Variants in ACOXL observed in about 807,000 individuals in gnomAD.
The protein encoded by ACOXL is acyl-coenzyme A oxidase-like protein.
Under a neutral mutation model 71.9 loss-of-function variants are expected in ACOXL, and 70 were observed. The observed-to-expected ratio is 0.97, with a 90% CI of 0.80 to 1.19. The LOEUF is 1.19. ACOXL is among the 50% of genes most tolerant of loss of function. ACOXL has a pLI of 0.00. For missense variants in ACOXL, 703 were observed against 736.3 expected (o/e 0.95, Z 0.52); for synonymous variants, 253 against 281.6 (o/e 0.90, Z 1.02).
chr2:110,836,333 C>G (rs978746036), intron 9 of ACOXL, among the ~76,000 whole-genome samples: 1 of 152,220 alleles, frequency 6.6e-6, no homozygotes, highest in African/African-American at 2.4e-5. Context: ...TTGCTGCCAG[C>G]ATCTCATGAC....
At chr2:110,991,710 C>T (rs576157439) in intron 13 of ACOXL, among the ~76,000 whole-genome samples, 1 of 151,982 alleles carries the variant, frequency 6.6e-6, no homozygotes, top group Non-Finnish European at 1.5e-5. Flanking sequence ...TATTGCTGCT[C>T]AGGACCCTGT....
chr2:110,932,073 G>A (rs892563845), intron 11 of ACOXL, among the ~76,000 whole-genome samples: 38 of 152,322 alleles, frequency 2.5e-4, no homozygotes, highest in Non-Finnish European at 4.7e-4. Context: ...AGTACATTAC[G>A]TAGAATAGAG....
intron 9 of ACOXL, among the ~76,000 whole-genome samples, chr2:110,830,885 C>T (rs1236549164): frequency 6.6e-6 from 1 of 152,010 alleles, no homozygotes; most frequent in Non-Finnish European, 1.5e-5. Flanking sequence ...TAAGAAATAG[C>T]TATAAAAAGG....
intron 9 of ACOXL, among the ~76,000 whole-genome samples, chr2:110,838,010 A>C (rs572322572): frequency 1.6e-4 from 25 of 152,254 alleles, no homozygotes; most frequent in East Asian, 5.8e-4. Context: ...CAAAGGGGTC[A>C]ATTGTCTGAG....
intron 16 of ACOXL, among the ~76,000 whole-genome samples, chr2:111,091,308 AT>A (rs1452359898): frequency 6.6e-6 from 1 of 152,162 alleles, no homozygotes; most frequent in Non-Finnish European, 1.5e-5. Context: ...ACTAATGTGA[AT>A]GTATCATCTG....
At chr2:110,808,362 C>G (rs1395015606) in intron 9 of ACOXL, among the ~76,000 whole-genome samples, 3 of 152,166 alleles carry the variant, frequency 2.0e-5, no homozygotes, top group East Asian at 3.8e-4. Flanking sequence ...TTCTGCAGCT[C>G]TGGGGTGGGG....
chr2:110,771,827 G>A (rs1354758316), intron 2 of ACOXL, among the ~76,000 whole-genome samples: 1 of 152,158 alleles, frequency 6.6e-6, no homozygotes, highest in Non-Finnish European at 1.5e-5. Flanking sequence ...CCTGGGCTGG[G>A]GGAGTCACCA....
intron 1 of ACOXL, among the ~76,000 whole-genome samples, chr2:110,743,888 G>A (rs1677851756): frequency 6.6e-6 from 1 of 152,154 alleles, no homozygotes; most frequent in African/African-American, 2.4e-5. Flanking sequence ...GCTGACTTGG[G>A]GCAGCAGACA....
At chr2:111,017,597 G>C (rs542210355) in intron 14 of ACOXL, among the ~76,000 whole-genome samples, 4 of 152,326 alleles carry the variant, frequency 2.6e-5, no homozygotes, top group African/African-American at 9.6e-5. Flanking sequence ...GCAGAGAAGG[G>C]AGAGAGGGGA....
Position 110,987,178 on chromosome 2 carries a change from A to G in ACOXL, c.1130A>G (p.Gln377Arg). 6.3e-7 allele frequency: 1 copy of G among 1,579,182 alleles called. No homozygotes were observed. Among genetic ancestry groups the G allele is most frequent in the Non-Finnish European group, 8.6e-7 (1 of 1,159,388 alleles). The change falls in exon 13 of 18, where the codon CAA becomes CGA. Residue 377 changes from glutamine to arginine, a missense_variant. Transcript: ENST00000439055. ...GAAAAACCACTCTTTGGCCTGCTCC[A>G]AAACTGGGCTGAATCTGTGGGGGAC... ...YEEKPLFGLLQNWAESVGDKL... is the reference protein window; with the variant it reads ...YEEKPLFGLLRNWAESVGDKL...
intron 11 of ACOXL, among the ~76,000 whole-genome samples, chr2:110,912,187 A>G (rs1389796422): frequency 6.6e-6 from 1 of 152,046 alleles, no homozygotes; most frequent in Non-Finnish European, 1.5e-5. Context: ...AGGTGACTAT[A>G]CTCCCTAAAT....
At chr2:111,072,114 G>A (rs891632313) in intron 16 of ACOXL, among the ~76,000 whole-genome samples, 1 of 152,148 alleles carries the variant, frequency 6.6e-6, no homozygotes, top group African/African-American at 2.4e-5. Context: ...TTTCAGCCTG[G>A]AATTTGCCAT....
rs554744485 is a variant in ACOXL at position 110,750,532 on chromosome 2, T to C, written c.-23+17758T>C. ...ACTTAAGAAAACAATGGCCCTACCATAATTCCATTTCTGATCATCTACTTT... is the reference window on the plus strand; with the variant it reads ...ACTTAAGAAAACAATGGCCCTACCACAATTCCATTTCTGATCATCTACTTT... On this transcript the variant is annotated intron_variant, in intron 1 of 17. Transcript: ENST00000439055. Among the ~76,000 whole-genome samples, 9 of 150,808 alleles carry C rather than the reference T, an allele frequency of 6.0e-5. No individual in the cohort carries two copies. The South Asian group carries it at 1.9e-3, about 31-fold the overall frequency.
rs560760045 is a variant in ACOXL, at chr2:110,921,408, T to C, written c.906-12081T>C. ...TATCCACCCCCCCCCCCCTTTTTTT[T>C]TTGAGGCAGAGTCTTGCATTGTTTC... On this transcript the variant is annotated intron_variant, in intron 11 of 17. Transcript: ENST00000439055. 2.7e-4 allele frequency among the ~76,000 whole-genome samples: 37 copies of C among 137,074 alleles called. No homozygotes were observed. In the South Asian group the frequency reaches 0.01, roughly 38 times the overall value. 89.9% of individuals were successfully genotyped at this position (137,074 alleles called of 152,430 possible).
intron 12 of ACOXL, among the ~76,000 whole-genome samples, chr2:110,978,551 G>A (rs903241942): frequency 7.2e-5 from 11 of 152,150 alleles, no homozygotes; most frequent in African/African-American, 2.7e-4. Flanking sequence ...AAAAAAACAA[G>A]TTCATGCTGC....
chr2:111,057,414 T>C (rs1405640509), intron 16 of ACOXL, among the ~76,000 whole-genome samples: 1 of 152,236 alleles, frequency 6.6e-6, no homozygotes, highest in Non-Finnish European at 1.5e-5. Context: ...GCATTCAATA[T>C]TCCTTCCTTG....
chr2:110,893,679 G>A (rs927860428), intron 10 of ACOXL, among the ~76,000 whole-genome samples: 3 of 152,114 alleles, frequency 2.0e-5, no homozygotes, highest in Admixed American at 6.6e-5. Context: ...TGCATACAAC[G>A]GAATATTAGG....
At chr2:110,963,105 AT>A (rs1225203524) in intron 12 of ACOXL, among the ~76,000 whole-genome samples, 1 of 152,204 alleles carries the variant, frequency 6.6e-6, no homozygotes, top group Non-Finnish European at 1.5e-5. Context: ...GGAAAAAAAA[AT>A]ACTGGAGTGA....
intron 16 of ACOXL, among the ~76,000 whole-genome samples, chr2:111,089,169 G>A (rs753174642): frequency 3.3e-5 from 5 of 152,136 alleles, no homozygotes; most frequent in African/African-American, 7.2e-5. Flanking sequence ...GCATGGTGGC[G>A]TGAGCATGTA....
Sources: gnomAD v4.1 joint callset for allele counts (sites outside exome capture counted in the v4.1 genomes callset) on GRCh38, gnomAD v4.1.1 for gene constraint, MANE v1.5 for transcripts, NCBI Gene and HGNC (gene_info 2026-07-23, HGNC 2026-07-21) for gene names.